RASA3: variants seen among roughly 807,000 people sequenced by gnomAD.
The protein encoded by RASA3 is ras GTPase-activating protein 3.
Under a neutral mutation model 110.0 loss-of-function variants are expected in RASA3, and 73 were observed. The observed-to-expected ratio is 0.66, with a 90% confidence interval of 0.55 to 0.81. The LOEUF is 0.81. Among genes scored for constraint, RASA3 ranks in the 30% least tolerant of loss-of-function variants. The pLI is 0.00. For missense variants in RASA3, 976 were observed against 1,113.2 expected, an observed-to-expected ratio of 0.88 and a Z score of 1.75; for synonymous variants, 500 against 451.4, an observed-to-expected ratio of 1.11 and a Z score of -1.37.
At chr13:114,010,822 T>TGGGGAGGAGGGGGCCGCGTGGG (rs754829996) in intron 16 of RASA3, among the ~76,000 whole-genome samples, 2 of 128,596 alleles carry the variant, frequency 1.6e-5, no homozygotes, top group Non-Finnish European at 3.3e-5. Flanking sequence ...GGGGGCTGCG[T>TGGGGAGGAGGGGGCCGCGTGGG]GACGAGGAGC....
chr13:114,131,673 C>A (rs116341260), intron 1 of RASA3, among the ~76,000 whole-genome samples: 2,292 of 152,356 alleles, frequency 0.015, 41 homozygotes, highest in African/African-American at 0.048. Flanking sequence ...GTCTCCCCGC[C>A]CCGCGGGAGC....
chr13:114,005,178 C>T (rs2053487366), intron 18 of RASA3, among the ~76,000 whole-genome samples: 1 of 152,158 alleles, frequency 6.6e-6, no homozygotes, highest in Non-Finnish European at 1.5e-5. Flanking sequence ...GCACAAAGTG[C>T]CCGTTCAGGT....
intron 7 of RASA3, among the ~76,000 whole-genome samples, chr13:114,026,761 C>T (rs1372394440): frequency 6.6e-6 from 1 of 152,230 alleles, no homozygotes; most frequent in Non-Finnish European, 1.5e-5. Flanking sequence ...GGAAGAACAT[C>T]TGCCTAAAGG....
chr13:114,023,012 G>A (rs2053957809), intron 8 of RASA3, among the ~76,000 whole-genome samples: 1 of 152,166 alleles, frequency 6.6e-6, no homozygotes, highest in Admixed American at 6.5e-5. Flanking sequence ...ATGGGGGACG[G>A]ATCTGACCGA....
At chr13:113,993,457 T>C (rs1247845298) in intron 21 of RASA3, among the ~76,000 whole-genome samples, 1 of 151,828 alleles carries the variant, frequency 6.6e-6, no homozygotes, top group Admixed American at 6.6e-5. Context: ...ATTACAGGCG[T>C]GAGCCACTGA....
chr13:114,050,693 G>C (rs2079130324), intron 3 of RASA3, among the ~76,000 whole-genome samples: 2 of 152,360 alleles, frequency 1.3e-5, no homozygotes, highest in South Asian at 2.1e-4. Flanking sequence ...TGGAGGCCCG[G>C]GACATGGCAG....
At chr13:114,034,844 G>A (rs903102989) in intron 4 of RASA3, among the ~76,000 whole-genome samples, 3 of 152,208 alleles carry the variant, frequency 2.0e-5, no homozygotes, top group Non-Finnish European at 4.4e-5. Context: ...GGGGTGGAGG[G>A]GAATCTGGAG....
At chr13:114,066,979 T>A (rs1180451811) in intron 2 of RASA3, among the ~76,000 whole-genome samples, 3 of 120,186 alleles carry the variant, frequency 2.5e-5, no homozygotes, top group African/African-American at 9.9e-5. Context: ...CAGGCCCCCC[T>A]ACCTGGGCTG....
chr13:114,003,416 C>T lies in RASA3; in HGVS notation c.1743-2484G>A, dbSNP rs536835491. Among the ~76,000 whole-genome samples, 189 of 152,288 alleles carry T rather than the reference C, an allele frequency of 1.2e-3. 2 individuals are homozygous for T. In the Middle Eastern group the frequency reaches 0.02, roughly 16 times the overall value. ...CACAAGCCCTGAGTGTCCTGTGTTGCTTTAGGGATTACAGGATGAATATCT... is the reference window on the plus strand; with the variant it reads ...CACAAGCCCTGAGTGTCCTGTGTTGTTTTAGGGATTACAGGATGAATATCT... On this transcript the variant is annotated intron_variant, in intron 18 of 23. Transcript: ENST00000334062.
intron 2 of RASA3, among the ~76,000 whole-genome samples, chr13:114,052,634 G>A (rs1183044627): frequency 6.6e-6 from 1 of 152,198 alleles, no homozygotes; most frequent in Non-Finnish European, 1.5e-5. Flanking sequence ...TCACTCCTCG[G>A]GGAGAGACCC....
chr13:114,114,390 G>A lies in RASA3; in HGVS notation c.55+18045C>T, dbSNP rs2080253679. 6.6e-6 allele frequency among the ~76,000 whole-genome samples: 1 copy of A among 152,204 alleles called. No individual in the cohort carries two copies. The highest frequency in any genetic ancestry group is 1.9e-4 in the East Asian group (1 of 5,204). On this transcript the variant is annotated intron_variant, in intron 1 of 23. Transcript: ENST00000334062. The surrounding 1 kb of genome is among the most constrained non-coding windows in gnomAD (Gnocchi z 4.8). ...AACATTCTCTGGGATATCTTGACCTGGCACGCAGAGGGGTGAAGGAACGGG... is the reference window on the plus strand; with the variant it reads ...AACATTCTCTGGGATATCTTGACCTAGCACGCAGAGGGGTGAAGGAACGGG...
chr13:114,080,277 C>T (rs773563966), intron 1 of RASA3, among the ~76,000 whole-genome samples: 2 of 152,134 alleles, frequency 1.3e-5, no homozygotes, highest in African/African-American at 2.4e-5. Flanking sequence ...TCCTCCTGGC[C>T]GGGAGGGGCT....
At chr13:114,040,881 T>C in intron 4 of RASA3, 119 bp downstream of exon 4, 1 of 919,502 alleles carries the variant, frequency 1.1e-6, no homozygotes, top group Non-Finnish European at 1.7e-6. Flanking sequence ...TGCTCATCGT[T>C]ATTCCCAGTC....
Position 114,015,308 on chromosome 13 carries a change from G to C in RASA3, c.1306C>G (p.Arg436Gly), listed in dbSNP as rs144637782. ...NMENLRQYVD[R>G]VFHAITESGV... is the part of the protein sequence containing the mutation. ...GACTCAGTGATGGCGTGGAAGACGC[G>C]GTCCACATACTGCCGTAGGTTCTCC... The change falls in exon 14 of 24, where the codon CGC becomes GGC. Residue 436 changes from arginine to glycine, a missense_variant. Transcript: ENST00000334062. 1 of 1,613,000 alleles carries C rather than the reference G, an allele frequency of 6.2e-7. No individual in the cohort carries two copies. Among genetic ancestry groups the C allele is most frequent in the East Asian group, 2.2e-5 (1 of 44,876 alleles).
chr13:114,122,155 C>T (rs1005217608), intron 1 of RASA3, among the ~76,000 whole-genome samples: 9 of 152,254 alleles, frequency 5.9e-5, no homozygotes, highest in Non-Finnish European at 1.2e-4. Context: ...GCAGAGCTTC[C>T]CCAGGCTGCT....
In RASA3 at chr13:114,119,058, G is replaced by T. The variant is rs34952193; in HGVS notation, c.55+13377C>A. On this transcript the variant is annotated intron_variant, in intron 1 of 23. Coordinates refer to ENST00000334062, the MANE Select transcript of RASA3 (RefSeq NM_007368.4). ...GCCTGCCCCTCCCTCTCCACCCCCC[G>T]CTTTCCTCCTGACCCACCCACCCCA... Among the ~76,000 whole-genome samples the T allele has an allele frequency of 8.8e-5, 9 of 102,406 alleles. No homozygotes were observed. The South Asian group carries it at 2.8e-3, about 32-fold the overall frequency. The allele number at this position is 102,406 out of a possible 152,430, so 67.2% of individuals were successfully genotyped here.
At chr13:114,003,345 G>A (rs1442980846) in intron 18 of RASA3, among the ~76,000 whole-genome samples, 3 of 152,180 alleles carry the variant, frequency 2.0e-5, no homozygotes, top group Admixed American at 6.5e-5. Context: ...CCTGGGAGGC[G>A]CCTGTCCTTG....
chr13:114,052,877 G>A (rs369678614), intron 2 of RASA3, among the ~76,000 whole-genome samples: 29 of 108,574 alleles, frequency 2.7e-4, no homozygotes, highest in African/African-American at 9.7e-4. Context: ...AGAGACCCCC[G>A]CTGCTGACTG....
intron 2 of RASA3, among the ~76,000 whole-genome samples, chr13:114,061,488 G>T (rs1472008980): frequency 2.7e-5 from 4 of 150,686 alleles, no homozygotes; most frequent in South Asian, 4.2e-4. Context: ...GGCCAACATG[G>T]TGAAACGCCG....
Sources: gnomAD v4.1 joint callset for allele counts (sites outside exome capture counted in the v4.1 genomes callset) on GRCh38, gnomAD v4.1.1 for gene constraint, Gnocchi (gnomAD v3.1) non-coding constraint, MANE v1.5 for transcripts, NCBI Gene and HGNC (gene_info 2026-07-23, HGNC 2026-07-21) for gene names.